PCDHGB2: variants seen among roughly 807,000 people sequenced by gnomAD.
PCDHGB2 encodes protocadherin gamma subfamily B, 2.
In PCDHGB2, 55 loss-of-function variants were observed where a neutral mutation model predicts 59.3. The observed-to-expected ratio is 0.93, with a 90% CI of 0.75 to 1.16. The LOEUF is 1.16. Among genes scored for constraint, PCDHGB2 ranks in the 50% most tolerant of loss-of-function variants. The pLI, the probability that PCDHGB2 is intolerant of heterozygous loss-of-function variation, is 0.00. For synonymous variants in PCDHGB2, 516 were observed against 512.0 expected (o/e 1.01, Z -0.11); for missense variants, 1,228 against 1,198.5 (o/e 1.02, Z -0.36).
rs1030000451 is a variant in PCDHGB2, at chr5:141,432,417, T to G, written c.2422-62390T>G. 2.5e-6 allele frequency: 4 copies of G among 1,614,124 alleles called. No individual in the cohort carries two copies. In the African/African-American group the frequency reaches 5.3e-5, roughly 22 times the overall value. On this transcript the variant is annotated intron_variant, in intron 1 of 3. Coordinates refer to ENST00000522605, the MANE Select transcript of PCDHGB2 (RefSeq NM_018923.3). This position sits in a 1 kb window ranked among gnomAD's most constrained non-coding sequence, Gnocchi z 6.0. The stretch of plus-strand genomic sequence containing the variant: ...AACGTGTCGTTGAGCCTGTTCGTGC[T>G]GGACCAGAACGACAATGCGCCCGAG...
At chr5:141,455,860 ATTATTTATTTATTTATTTATTTAT>A (rs145569377) in intron 1 of PCDHGB2, among the ~76,000 whole-genome samples, 10 of 139,848 alleles carry the variant, frequency 7.2e-5, no homozygotes, top group Admixed American at 5.1e-4. Flanking sequence ...AATTTCTTTT[ATTATTTATTTATTTATTTATTTAT>A]TTATTTATTT....
At chr5:141,433,211 T>TC in intron 1 of PCDHGB2, 1 of 1,568,160 alleles carries the variant, frequency 6.4e-7, no homozygotes, top group Non-Finnish European at 8.6e-7. Context: ...CTTCTTTCTT[T>TC]TTTTTTTTTA....
chr5:141,438,635 T>C (rs1325567714), intron 1 of PCDHGB2, among the ~76,000 whole-genome samples: 9 of 33,420 alleles, frequency 2.7e-4, no homozygotes, highest in East Asian at 1.8e-3. Flanking sequence ...TATATATATA[T>C]ACACACACAC....
In PCDHGB2 at chr5:141,511,532, T is replaced by G. The variant is rs548369303; in HGVS notation, c.*359T>G. Reference sequence around the variant, plus strand: ...GCCCATCCATCCCATGCCTCCCTCCTCCCCACCCCACTCCAACAGTTCCTC... The same window carrying G: ...GCCCATCCATCCCATGCCTCCCTCCGCCCCACCCCACTCCAACAGTTCCTC... On this transcript the variant is annotated 3_prime_UTR_variant, in exon 4 of 4. Transcript: ENST00000522605. 3.6e-5 allele frequency: 12 copies of G among 335,506 alleles called. No homozygotes were observed. In the East Asian group the frequency reaches 8.0e-4, roughly 22 times the overall value. The allele number at this position is 335,506 out of a possible 1,614,324, so 20.8% of individuals were successfully genotyped here. A position where few individuals can be genotyped will look rare whatever the true frequency, so the allele number is the denominator to read the frequency against.
At chr5:141,502,234 C>T (rs1482411915) in intron 2 of PCDHGB2, among the ~76,000 whole-genome samples, 1 of 152,108 alleles carries the variant, frequency 6.6e-6, no homozygotes, top group Non-Finnish European at 1.5e-5. Flanking sequence ...TCTGTGTGTT[C>T]TTTTATCCTT....
rs143509166 is a variant in PCDHGB2 at position 141,395,182 on chromosome 5, C to T, written c.2421+32626C>T. On this transcript the variant is annotated intron_variant, in intron 1 of 3. Transcript: ENST00000522605. ...CAGGAGGGCTGTGAGAAAAATGATT[C>T]TTTGTTAACATCCGTAGATTTTCAT... 141 of 1,614,114 alleles carry T rather than the reference C, an allele frequency of 8.7e-5. 2 individuals are homozygous for T. The Middle Eastern group carries it at 1.8e-3, about 21-fold the overall frequency.
chr5:141,478,799 CTT>C, intron 1 of PCDHGB2: 1 of 1,463,738 alleles, frequency 6.8e-7, no homozygotes, highest in Non-Finnish European at 9.0e-7. Flanking sequence ...CCTCAGCACT[CTT>C]TTGCTATCAC....
Position 141,360,108 on chromosome 5 carries a change from T to A in PCDHGB2, c.-28T>A. The A allele has an allele frequency of 6.4e-7, 1 of 1,555,128 alleles. No individual in the cohort carries two copies. On this transcript the variant is annotated 5_prime_UTR_variant, in exon 1 of 4. The change abolishes an upstream ATG in the 5' untranslated region. Transcript: ENST00000522605. The stretch of plus-strand genomic sequence containing the variant: ...ATCCCCGGAAGGCTTATTCCTCCTA[T>A]GGGCAAAGGAGCAAAGGGAGCCAGA...
chr5:141,403,429 T>C (rs1282528901), intron 1 of PCDHGB2: 2 of 1,614,006 alleles, frequency 1.2e-6, no homozygotes, highest in Non-Finnish European at 1.7e-6. Flanking sequence ...AAGCTATTGA[T>C]CCGGATGTTG....
chr5:141,484,864 A>G, intron 1 of PCDHGB2: 1 of 263,722 alleles, frequency 3.8e-6, no homozygotes, highest in Non-Finnish European at 7.2e-6. Context: ...GGGGTGGGGG[A>G]GCGTGGAGGA....
At position 141,491,971 on chromosome 5, in the gene PCDHGB2, T is replaced by C. The variant is rs62379205; in HGVS notation, c.2422-2836T>C. ...CCTACACTCAAAAAAGGCCGGGGCC[T>C]CCTTCGAGCTTCCGGTGAATTTCGG... is the stretch of plus-strand genomic sequence containing the variant. On this transcript the variant is annotated intron_variant, in intron 1 of 3. Coordinates refer to ENST00000522605, the MANE Select transcript of PCDHGB2 (RefSeq NM_018923.3). This position sits in a 1 kb window ranked among gnomAD's most constrained non-coding sequence, Gnocchi z 6.9. The C allele has an allele frequency of 0.2, 165,735 of 830,872 alleles. 17,637 individuals are homozygous for C. Among genetic ancestry groups the C allele is most frequent in the Admixed American group, 0.32 (8,466 of 26,688 alleles). 51.5% of individuals were successfully genotyped at this position (830,872 alleles called of 1,614,324 possible).
At chr5:141,365,937 A>G (rs1431683352) in intron 1 of PCDHGB2, 3 of 1,614,226 alleles carry the variant, frequency 1.9e-6, no homozygotes, top group Non-Finnish European at 2.5e-6. Context: ...ACAGCCAGCG[A>G]CAGTGGGAAC....
chr5:141,376,393 C>T, intron 1 of PCDHGB2: 1 of 1,614,222 alleles, frequency 6.2e-7, no homozygotes, highest in Non-Finnish European at 8.5e-7. Context: ...ATCTGATTTT[C>T]CCCCAGCCCA....
intron 1 of PCDHGB2, chr5:141,388,676 G>T: frequency 7.4e-6 from 12 of 1,613,944 alleles, no homozygotes; most frequent in Non-Finnish European, 1.0e-5. Context: ...TGCTACAGGT[G>T]ACTGCCACGG....
chr5:141,493,021 G>C lies in PCDHGB2; in HGVS notation c.2422-1786G>C, dbSNP rs1261539371. On this transcript the variant is annotated intron_variant, in intron 1 of 3. Transcript: ENST00000522605. This position sits in a 1 kb window ranked among gnomAD's most constrained non-coding sequence, Gnocchi z 4.3. ...AGCTATAGGCTCTGCCAGATGCCAG[G>C]GTGCCCTTATGTGTGAGGAAACTAC... Among the ~76,000 whole-genome samples, 1 of 152,180 alleles carries C rather than the reference G, an allele frequency of 6.6e-6. No individual in the cohort carries two copies. The highest frequency in any genetic ancestry group is 6.5e-5 in the Admixed American group (1 of 15,284).
intron 1 of PCDHGB2, chr5:141,374,746 C>T (rs1242744421): frequency 2.5e-6 from 4 of 1,612,108 alleles, no homozygotes; most frequent in East Asian, 4.5e-5. Context: ...GCGACCCTGT[C>T]CGCTCAAGCG....
chr5:141,487,109 G>A lies in PCDHGB2; in HGVS notation c.2422-7698G>A. 2 of 1,614,122 alleles carry A rather than the reference G, an allele frequency of 1.2e-6. No homozygotes were observed. Among genetic ancestry groups the A allele is most frequent in the Non-Finnish European group, 1.7e-6 (2 of 1,180,004 alleles). ...CCTCCCACCACAGAAGCTGGTCATTGTGGTAAAGGATAGTGGTAGTCCACC... is the reference window on the plus strand; with the variant it reads ...CCTCCCACCACAGAAGCTGGTCATTATGGTAAAGGATAGTGGTAGTCCACC... On this transcript the variant is annotated intron_variant, in intron 1 of 3. Transcript: ENST00000522605. This position sits in a 1 kb window ranked among gnomAD's most constrained non-coding sequence, Gnocchi z 5.0.
intron 1 of PCDHGB2, chr5:141,392,860 T>A (rs726684): frequency 2.5e-6 from 4 of 1,612,016 alleles, no homozygotes; most frequent in Admixed American, 3.4e-5. Flanking sequence ...CTGATCCTGC[T>A]GTGCGCGCTG....
rs767892593 is a variant in PCDHGB2, at chr5:141,400,152, T to C, written c.2421+37596T>C. 8 of 1,614,064 alleles carry C rather than the reference T, an allele frequency of 5.0e-6. 1 individual carries two copies. In the South Asian group the frequency reaches 6.6e-5, roughly 13 times the overall value. Reference sequence around the variant, plus strand: ...TGCTGCCGGATATCACTGACCGCCCTGTACCCTCTGACCCCCAGGCTGAGC... The same window carrying C: ...TGCTGCCGGATATCACTGACCGCCCCGTACCCTCTGACCCCCAGGCTGAGC... On this transcript the variant is annotated intron_variant, in intron 1 of 3. Transcript: ENST00000522605.
Sources: allele counts gnomAD v4.1 joint callset (sites outside exome capture counted in the v4.1 genomes callset), GRCh38; gene constraint gnomAD v4.1.1; non-coding constraint Gnocchi (gnomAD v3.1); transcripts MANE v1.5; gene names NCBI Gene and HGNC (gene_info 2026-07-23, HGNC 2026-07-21).